The following JAG2 variants were observed in gnomAD, a reference collection of about 807,000 sequenced individuals.
The protein encoded by JAG2 is jagged canonical Notch ligand 2, also known as protein jagged-2.
JAG2 carries 46 observed loss-of-function variants against 141.7 expected under a neutral mutation model. The ratio of observed to expected loss-of-function variants is 0.32; its 90% CI spans 0.26 to 0.42. The LOEUF (loss-of-function observed/expected upper bound fraction) is 0.42, where lower values mean the gene tolerates loss of function less well. JAG2 is among the 10% of genes least tolerant of loss of function. The probability of loss-of-function intolerance (pLI) is 1.00; values close to 1 mark genes in which losing one functional copy is unlikely to be tolerated. For missense variants in JAG2, 1,500 were observed against 1,817.5 expected (o/e 0.83, Z 3.18); for synonymous variants, 862 against 763.5 (o/e 1.13, Z -2.13).
chr14:105,164,892 C>G lies in JAG2; in HGVS notation c.417+2865G>C, dbSNP rs189170128. On this transcript the variant is annotated intron_variant, in intron 2 of 25. Transcript: ENST00000331782. ...CAGCCCTTCTGATGGCCCAGGACCT[C>G]AGGCCTCCTGAGCTGATAGACGCAG... Among the ~76,000 whole-genome samples the G allele has an allele frequency of 3.2e-3, 481 of 152,274 alleles. 1 individual carries two copies. Among genetic ancestry groups the G allele is most frequent in the Non-Finnish European group, 5.5e-3 (377 of 68,006 alleles).
Position 105,149,278 on chromosome 14 carries a change from C to T in JAG2, c.1645G>A (p.Ala549Thr), listed in dbSNP as rs139834065. 9 of 1,612,594 alleles carry T rather than the reference C, an allele frequency of 5.6e-6. No homozygotes were observed. Among genetic ancestry groups the T allele is most frequent in the East Asian group, 2.2e-5 (1 of 44,894 alleles). ...LCEPSPCRNGARCYNLEGDYY... is the reference protein window; with the variant it reads ...LCEPSPCRNGTRCYNLEGDYY... The stretch of plus-strand genomic sequence containing the variant: ...TCACCCTCCAGGTTATAGCAGCGAG[C>T]GCCGTTCCGGCAGGGGCTTGGCTCA... The change falls in exon 13 of 26, where the codon GCT (alanine) becomes ACT (threonine). Residue 549 changes from alanine to threonine, a missense_variant. Ala to Thr is a moderately conservative substitution (Grantham distance 58, BLOSUM62 0). Around this residue, in one of 3 missense-constraint regions of JAG2, gnomAD observed 875 missense variants for 1,202.2 expected, o/e 0.73. Transcript: ENST00000331782.
chr14:105,167,810 C>CGGCCCG lies in JAG2; in HGVS notation c.358_363dup (p.Arg120_Ala121dup), dbSNP rs1270738320. 5.3e-5 allele frequency: 78 copies of CGGCCCG among 1,463,970 alleles called. No individual in the cohort carries two copies. The African/African-American group carries it at 1.0e-3, about 19-fold the overall frequency. 90.7% of individuals were successfully genotyped at this position (1,463,970 alleles called of 1,614,324 possible). A position where few individuals can be genotyped will look rare whatever the true frequency, so the allele number is the denominator to read the frequency against. On this transcript the variant is annotated inframe_insertion, in exon 2 of 26. Transcript: ENST00000331782. The surrounding 1 kb of genome is among the most constrained non-coding windows in gnomAD (Gnocchi z 4.8). ...ACGAGGCCCGGGTCCTGGTCGCCGCCGGCCCGGGCCCGCGCCCGCGCTCGG... is the reference window on the plus strand; with the variant it reads ...ACGAGGCCCGGGTCCTGGTCGCCGCCGGCCCGGGCCCGGGCCCGCGCCCGCGCTCGG...
chr14:105,149,367 C>G (rs768250392), intron 12 of JAG2, 47 bp from the exon 13 acceptor site: 2 of 1,610,898 alleles, frequency 1.2e-6, no homozygotes, highest in East Asian at 2.2e-5. Context: ...AGGCCCAGGC[C>G]GGGAACACAG....
intron 2 of JAG2, among the ~76,000 whole-genome samples, chr14:105,159,726 A>C (rs1382471003): frequency 2.6e-5 from 1 of 38,472 alleles, no homozygotes; most frequent in African/African-American, 1.1e-4. Flanking sequence ...ACACCCCCCC[A>C]GAGCTCCATC....
chr14:105,152,081 A>C, intron 6 of JAG2, 24 bp from the exon 7 acceptor site: 1 of 1,613,056 alleles, frequency 6.2e-7, no homozygotes. Context: ...TGGGATGCTC[A>C]GGGGAAAAGC....
Position 105,148,011 on chromosome 14 carries a change from GCAGGTGT to G in JAG2, c.2248+98_2248+104del, listed in dbSNP as rs1888283122. On this transcript the variant is annotated intron_variant, in intron 17 of 25. Coordinates refer to ENST00000331782, the MANE Select transcript of JAG2 (RefSeq NM_002226.5). The stretch of plus-strand genomic sequence containing the variant: ...GGGGGCAGGGGGCAGGGGGCAGGTG[GCAGGTGT>G]GGCCCTCAAAAAAGACCCCTCGGCC... The G allele has an allele frequency of 3.5e-6, 4 of 1,129,594 alleles. No individual in the cohort carries two copies. In the South Asian group the frequency reaches 5.5e-5, roughly 16 times the overall value. 70.0% of individuals were successfully genotyped at this position (1,129,594 alleles called of 1,614,324 possible). A position where few individuals can be genotyped will look rare whatever the true frequency, so the allele number is the denominator to read the frequency against.
At chr14:105,157,908 C>G in intron 2 of JAG2, 145 bp from the exon 3 acceptor site, 1 of 758,792 alleles carries the variant, frequency 1.3e-6, no homozygotes, top group Non-Finnish European at 2.3e-6. Flanking sequence ...CACCACCCTC[C>G]TCATCCTCAG....
Position 105,167,605 on chromosome 14 carries a change from C to G in JAG2, c.417+152G>C. 2 of 903,928 alleles carry G rather than the reference C, an allele frequency of 2.2e-6. No homozygotes were observed. 56.0% of individuals were successfully genotyped at this position (903,928 alleles called of 1,614,324 possible). ...CGTGGCCAGGCGCGGACCAAGTCCC[C>G]AGAGCACGCGCCCCCTGCCGGCCCC... On this transcript the variant is annotated intron_variant, in intron 2 of 25. Coordinates refer to ENST00000331782, the MANE Select transcript of JAG2 (RefSeq NM_002226.5). This position sits in a 1 kb window ranked among gnomAD's most constrained non-coding sequence, Gnocchi z 4.8.
chr14:105,163,429 G>C (rs972178253), intron 2 of JAG2, among the ~76,000 whole-genome samples: 1 of 152,114 alleles, frequency 6.6e-6, no homozygotes, highest in Non-Finnish European at 1.5e-5. Flanking sequence ...CTAGGTCCCA[G>C]GTCCCCCACC....
At position 105,151,344 on chromosome 14, in the gene JAG2, G is replaced by A. The variant is rs371092571; in HGVS notation, c.1206C>T (p.Asp402=). 2 of 1,612,538 alleles carry A rather than the reference G, an allele frequency of 1.2e-6. No individual in the cohort carries two copies. The highest frequency in any genetic ancestry group is 8.5e-7 in the Non-Finnish European group (1 of 1,179,970). ...AGATGCACTCAAAGCCGTCCACCTG[G>A]TCCACACAGGTGCCACCGGCCGCAC... ...NPCAAGGTCV[D]QVDGFECICP... is the part of the protein sequence containing the mutation. The change falls in exon 9 of 26, where the codon GAC becomes GAT. Residue 402 remains aspartate, a synonymous_variant. Transcript: ENST00000331782.
chr14:105,165,604 C>T (rs1055494526), intron 2 of JAG2, among the ~76,000 whole-genome samples: 1 of 152,218 alleles, frequency 6.6e-6, no homozygotes, highest in South Asian at 2.1e-4. Context: ...CCACAAGAAG[C>T]CAGGCCAGGG....
At position 105,148,403 on chromosome 14, in the gene JAG2, C is replaced by T. The variant is rs199665255; in HGVS notation, c.2057G>A (p.Arg686His). ...NDCLPDPCHS[R>H]GRCYDLVNDF... ...ATTGACCAGGTCGTAGCAGCGGCCG[C>T]GGCTGTGGCAGGGATCGGGAAGGCA... The change falls in exon 16 of 26, where the codon CGC (arginine) becomes CAC (histidine). Residue 686 changes from arginine to histidine, a missense_variant. Physicochemically the swap from Arg to His is conservative, Grantham distance 29. Around this residue, in one of 3 missense-constraint regions of JAG2, gnomAD observed 875 missense variants for 1,202.2 expected, o/e 0.73. Coordinates refer to ENST00000331782, the MANE Select transcript of JAG2 (RefSeq NM_002226.5). The T allele has an allele frequency of 4.8e-5, 78 of 1,612,074 alleles. No homozygotes were observed. The highest frequency in any genetic ancestry group is 2.0e-4 in the African/African-American group (15 of 74,974).
In JAG2 at chr14:105,144,998, G is replaced by A. The variant is rs1358299413; in HGVS notation, c.3016C>T (p.Arg1006Trp). The A allele has an allele frequency of 7.5e-6, 12 of 1,609,474 alleles. No homozygotes were observed. Among genetic ancestry groups the A allele is most frequent in the Middle Eastern group, 1.6e-4 (1 of 6,066 alleles). The change falls in exon 24 of 26, where the codon CGG (arginine) becomes TGG (tryptophan). Residue 1006 changes from arginine to tryptophan, a missense_variant. Physicochemically the swap from Arg to Trp is moderately radical, Grantham distance 101. Around this residue, in one of 3 missense-constraint regions of JAG2, gnomAD observed 425 missense variants for 441.0 expected, o/e 0.96. Coordinates refer to ENST00000331782, the MANE Select transcript of JAG2 (RefSeq NM_002226.5). Reference sequence around the variant, plus strand: ...CAAAGCAACACCAGCAGGCGGTCCCGTGCCACAGCCCTTGTGGCTGGCAGG... The same window carrying A: ...CAAAGCAACACCAGCAGGCGGTCCCATGCCACAGCCCTTGTGGCTGGCAGG... ...RSLPATRAVARDRLLVLLCDR... is the reference protein window; with the variant it reads ...RSLPATRAVAWDRLLVLLCDR...
chr14:105,142,653 CCCA>C lies in JAG2; in HGVS notation c.*39_*41del, dbSNP rs1298986561. The C allele has an allele frequency of 8.8e-6, 13 of 1,481,020 alleles. No individual in the cohort carries two copies. Among genetic ancestry groups the C allele is most frequent in the Non-Finnish European group, 1.1e-5 (12 of 1,083,896 alleles). The allele number at this position is 1,481,020 out of a possible 1,614,324, so 91.7% of individuals were successfully genotyped here. A position where few individuals can be genotyped will look rare whatever the true frequency, so the allele number is the denominator to read the frequency against. On this transcript the variant is annotated 3_prime_UTR_variant, in exon 26 of 26. Coordinates refer to ENST00000331782, the MANE Select transcript of JAG2 (RefSeq NM_002226.5). The stretch of plus-strand genomic sequence containing the variant: ...TCCGGGTCCGGCAGACGGCATGGCT[CCCA>C]CCGAGGGCCCTGGGTCCCGGCCCAG...
intron 2 of JAG2, among the ~76,000 whole-genome samples, chr14:105,158,981 C>T (rs984998430): frequency 3.9e-5 from 6 of 152,042 alleles, no homozygotes. Flanking sequence ...CGCCGCCCAC[C>T]CCACGCACGT....
At chr14:105,150,317 T>C (rs1408493971) in intron 12 of JAG2, among the ~76,000 whole-genome samples, 1 of 151,138 alleles carries the variant, frequency 6.6e-6, no homozygotes, top group Non-Finnish European at 1.5e-5. Context: ...CCCGAGGGAG[T>C]GCACAGATGG....
chr14:105,148,416 G>T lies in JAG2; in HGVS notation c.2044C>A (p.Pro682Thr). ...TAGCAGCGGCCGCGGCTGTGGCAGG[G>T]ATCGGGAAGGCAGTCGTTGGGATCT... ...DTNPNDCLPD[P>T]CHSRGRCYDL... is the part of the protein sequence containing the mutation. The change falls in exon 16 of 26, where the codon CCC becomes ACC. Residue 682 changes from proline to threonine, a missense_variant. By Grantham distance (38) the Pro-to-Thr change is conservative. Around this residue, in one of 3 missense-constraint regions of JAG2, gnomAD observed 875 missense variants for 1,202.2 expected, o/e 0.73. Coordinates refer to ENST00000331782, the MANE Select transcript of JAG2 (RefSeq NM_002226.5). 6.2e-7 allele frequency: 1 copy of T among 1,611,964 alleles called. No homozygotes were observed. The highest frequency in any genetic ancestry group is 1.3e-5 in the African/African-American group (1 of 75,022).
At position 105,149,333 on chromosome 14, in the gene JAG2, G is replaced by A; in HGVS notation, c.1603-13C>T. The stretch of plus-strand genomic sequence containing the variant: ...GGTCGACATCCACCTGCAGGGTGGG[G>A]GGTGCCTGTGAGAGCCTAGGCCCAG... On this transcript the variant is annotated splice_polypyrimidine_tract_variant and intron_variant, in intron 12 of 25. Transcript: ENST00000331782. The A allele has an allele frequency of 1.9e-6, 3 of 1,612,546 alleles. No individual in the cohort carries two copies. Among genetic ancestry groups the A allele is most frequent in the Middle Eastern group, 1.7e-4 (1 of 6,044 alleles).
intron 23 of JAG2, among the ~76,000 whole-genome samples, chr14:105,145,333 G>T (rs1888191275): frequency 6.6e-6 from 1 of 152,194 alleles, no homozygotes. Flanking sequence ...GGGGTACAGT[G>T]GGTCTCCTCC....
Sources: gnomAD v4.1 joint callset for allele counts (sites outside exome capture counted in the v4.1 genomes callset) on GRCh38, gnomAD v4.1.1 for gene constraint, gnomAD v4.1.1 regional missense constraint, Gnocchi (gnomAD v3.1) non-coding constraint, MANE v1.5 for transcripts, NCBI Gene and HGNC (gene_info 2026-07-23, HGNC 2026-07-21) for gene names.